Variants in CCDC38 observed in about 807,000 individuals in gnomAD.
The protein encoded by CCDC38 is coiled-coil domain-containing protein 38.
CCDC38 carries 69 observed loss-of-function variants against 72.8 expected under a neutral mutation model. That is an observed-to-expected ratio of 0.95 (90% CI 0.78 to 1.16). The LOEUF (loss-of-function observed/expected upper bound fraction) is 1.16. Ranked by LOEUF, CCDC38 falls within the 50% of genes most tolerant of loss-of-function variation. CCDC38 has a pLI of 0.00. For synonymous variants in CCDC38, 201 were observed against 213.2 expected (o/e 0.94, Z 0.50); for missense variants, 626 against 638.9 (o/e 0.98, Z 0.22).
Position 95,872,268 on chromosome 12 carries a change from C to T in CCDC38, c.1471G>A (p.Glu491Lys), listed in dbSNP as rs1466581000. Residue 491 changes from glutamate (E) to lysine (K), a missense_variant, in exon 14 of 16, where the codon GAA (glutamate) becomes AAA (lysine). Coordinates refer to ENST00000344280, the MANE Select transcript of CCDC38 (RefSeq NM_182496.3). Reference protein sequence around the residue: ...VEAIERMKQKEWRQKFRDEKM... With the variant: ...VEAIERMKQKKWRQKFRDEKM... ...TATTGACTGTACTTTTGCCGCCATT[C>T]TTTCTGTTTCATCCTCTCAATTGCC... 5 of 1,614,030 alleles carry T rather than the reference C, an allele frequency of 3.1e-6. No homozygotes were observed. Among genetic ancestry groups the T allele is most frequent in the Non-Finnish European group, 4.2e-6 (5 of 1,180,026 alleles).
chr12:95,930,161 A>T (rs1372340264), intron 2 of CCDC38, among the ~76,000 whole-genome samples: 1 of 152,130 alleles, frequency 6.6e-6, no homozygotes, highest in African/African-American at 2.4e-5. Flanking sequence ...AACCCGCTAC[A>T]CCAAATTTCC....
At chr12:95,907,708 C>A (rs1382370297) in intron 4 of CCDC38, among the ~76,000 whole-genome samples, 30 of 147,478 alleles carry the variant, frequency 2.0e-4, no homozygotes, top group Non-Finnish European at 3.1e-4. Flanking sequence ...GGCGGAGGGG[C>A]TCCTCACTTC....
intron 2 of CCDC38, among the ~76,000 whole-genome samples, chr12:95,923,524 C>T (rs891162276): frequency 5.9e-5 from 9 of 151,870 alleles, no homozygotes; most frequent in African/African-American, 2.2e-4. Flanking sequence ...CTGCCCTATC[C>T]CAAGTGTCTT....
chr12:95,913,717 C>G (rs2080117460), intron 4 of CCDC38, among the ~76,000 whole-genome samples: 1 of 152,098 alleles, frequency 6.6e-6, no homozygotes, highest in East Asian at 1.9e-4. Context: ...ATAATTGTTA[C>G]TGGCTATTAT....
chr12:95,895,206 A>T, intron 7 of CCDC38, 60 bp from the exon 8 acceptor site: 1 of 1,287,240 alleles, frequency 7.8e-7, no homozygotes, highest in Non-Finnish European at 1.0e-6. Context: ...ATTCATTAGA[A>T]AAAAATTTTT....
At chr12:95,913,359 C>A (rs1235541078) in intron 4 of CCDC38, among the ~76,000 whole-genome samples, 3 of 152,156 alleles carry the variant, frequency 2.0e-5, no homozygotes, top group African/African-American at 7.2e-5. Context: ...GTCAAACTTG[C>A]CTATTGACAG....
intron 2 of CCDC38, among the ~76,000 whole-genome samples, chr12:95,924,408 T>C (rs1266004154): frequency 7.1e-6 from 1 of 140,872 alleles, no homozygotes; most frequent in Non-Finnish European, 1.5e-5. Context: ...CTTGTAAATT[T>C]GGTTGAGTTC....
At chr12:95,906,767 A>G (rs925038235) in intron 4 of CCDC38, among the ~76,000 whole-genome samples, 1 of 119,870 alleles carries the variant, frequency 8.3e-6, no homozygotes, top group African/African-American at 2.9e-5. Context: ...AGCTGTCAAA[A>G]TTCTTTTTTT....
chr12:95,943,167 C>T (rs771257954), upstream of CCDC38: 29 of 498,850 alleles, frequency 5.8e-5, no homozygotes, highest in Non-Finnish European at 9.0e-5. Context: ...ACAAGACGAC[C>T]AAAAAAGAGA....
intron 14 of CCDC38, among the ~76,000 whole-genome samples, chr12:95,870,378 C>T (rs1258595349): frequency 6.6e-6 from 1 of 152,074 alleles, no homozygotes; most frequent in Non-Finnish European, 1.5e-5. Flanking sequence ...GAGCAATAGG[C>T]ACTAAATATG....
intron 4 of CCDC38, among the ~76,000 whole-genome samples, chr12:95,916,375 G>GCCTTCCTTCCTT (rs1432630349): frequency 1.8e-5 from 2 of 112,058 alleles, no homozygotes; most frequent in African/African-American, 6.8e-5. Flanking sequence ...TAAGTTGCCT[G>GCCTTCCTTCCTT]CCTGCCTTCC....
chr12:95,929,664 T>C (rs1018371720), intron 2 of CCDC38, among the ~76,000 whole-genome samples: 3 of 152,210 alleles, frequency 2.0e-5, no homozygotes, highest in Non-Finnish European at 4.4e-5. Flanking sequence ...TCCCTCCAAG[T>C]TCAAAGCTGA....
At chr12:95,911,772 A>G (rs947243069) in intron 4 of CCDC38, among the ~76,000 whole-genome samples, 2 of 152,196 alleles carry the variant, frequency 1.3e-5, no homozygotes, top group Non-Finnish European at 2.9e-5. Context: ...ATGGGAATAC[A>G]CTGTTAATTC....
chr12:95,876,572 T>A (rs753023154), intron 13 of CCDC38, among the ~76,000 whole-genome samples: 4 of 151,910 alleles, frequency 2.6e-5, no homozygotes, highest in East Asian at 1.9e-4. Flanking sequence ...ACCACAGTTT[T>A]AAAAAAAATG....
chr12:95,885,232 GGACTC>G (rs1406006093), intron 10 of CCDC38: 1 of 153,168 alleles, frequency 6.5e-6, no homozygotes, highest in African/African-American at 2.4e-5. Flanking sequence ...GAATTCTTCT[GGACTC>G]GACCCAGTCC....
intron 1 of CCDC38, among the ~76,000 whole-genome samples, chr12:95,938,896 T>C (rs1375682103): frequency 6.6e-6 from 1 of 152,222 alleles, no homozygotes; most frequent in East Asian, 1.9e-4. Flanking sequence ...ACATCTTAAA[T>C]ACACGTTCAC....
chr12:95,941,830 G>A (rs1241827913), intron 1 of CCDC38, among the ~76,000 whole-genome samples: 1 of 152,056 alleles, frequency 6.6e-6, no homozygotes, highest in African/African-American at 2.4e-5. Context: ...TTGTGTATAT[G>A]AGCTGTGAAT....
intron 10 of CCDC38, among the ~76,000 whole-genome samples, chr12:95,882,373 C>T (rs889178405): frequency 4.6e-5 from 7 of 152,140 alleles, no homozygotes; most frequent in Admixed American, 4.6e-4. Context: ...AAGATGACTC[C>T]AACATTTGTG....
intron 13 of CCDC38, among the ~76,000 whole-genome samples, chr12:95,874,335 G>T (rs1465746539): frequency 6.6e-6 from 1 of 152,162 alleles, no homozygotes; most frequent in Admixed American, 6.5e-5. Context: ...TGAACACTTA[G>T]ATGGCTTTAG....
Sources: gnomAD v4.1 joint callset for allele counts (sites outside exome capture counted in the v4.1 genomes callset) on GRCh38, gnomAD v4.1.1 for gene constraint, MANE v1.5 for transcripts, NCBI Gene and HGNC (gene_info 2026-07-23, HGNC 2026-07-21) for gene names.